The following MYBPC3 variants were observed in gnomAD, a reference collection of about 807,000 sequenced individuals.
The protein encoded by MYBPC3 is myosin-binding protein C, cardiac-type.
A neutral mutation model predicts 159.3 loss-of-function variants in MYBPC3; 108 were observed. The ratio of observed to expected loss-of-function variants is 0.68; its 90% CI spans 0.58 to 0.80. MYBPC3 has a LOEUF of 0.80. Among genes scored for constraint, MYBPC3 ranks in the 30% least tolerant of loss-of-function variants. The probability of loss-of-function intolerance (pLI) is 0.00; values close to 1 mark genes in which losing one functional copy is unlikely to be tolerated. For missense variants in MYBPC3, 1,631 were observed against 1,762.1 expected (o/e 0.93, Z 1.33); for synonymous variants, 730 against 702.0 (o/e 1.04, Z -0.63).
At position 47,332,982 on chromosome 11, in the gene MYBPC3, AGGGAGGGAG is replaced by A. The variant is rs1565622969; in HGVS notation, c.3331-18_3331-10del. 6.6e-7 allele frequency: 1 copy of A among 1,505,306 alleles called. No individual in the cohort carries two copies. Among genetic ancestry groups the A allele is most frequent in the Non-Finnish European group, 9.2e-7 (1 of 1,085,200 alleles). 93.2% of individuals were successfully genotyped at this position (1,505,306 alleles called of 1,614,324 possible). A position where few individuals can be genotyped will look rare whatever the true frequency, so the allele number is the denominator to read the frequency against. ...AAGACGGTGAACCACTCCTGGGGGC[AGGGAGGGAG>A]GGGAGGCATCTCTGGGCCAGGCCCT... On this transcript the variant is annotated splice_polypyrimidine_tract_variant and intron_variant, in intron 30 of 34. Coordinates refer to ENST00000545968, the MANE Select transcript of MYBPC3 (RefSeq NM_000256.3). This position sits in a 1 kb window ranked among gnomAD's most constrained non-coding sequence, Gnocchi z 4.2.
At position 47,346,521 on chromosome 11, in the gene MYBPC3, C is replaced by A; in HGVS notation, c.926+106G>T. Reference sequence around the variant, plus strand: ...AGCTGGAGCTGCTCTGGGTCCCAGGCCAGGCAGGACTGGGGGCCAAGGGAG... The same window carrying A: ...AGCTGGAGCTGCTCTGGGTCCCAGGACAGGCAGGACTGGGGGCCAAGGGAG... On this transcript the variant is annotated intron_variant, in intron 11 of 34. Transcript: ENST00000545968. The surrounding 1 kb of genome is among the most constrained non-coding windows in gnomAD (Gnocchi z 5.3). The A allele has an allele frequency of 6.8e-7, 1 of 1,473,522 alleles. No homozygotes were observed. Among genetic ancestry groups the A allele is most frequent in the South Asian group, 1.4e-5 (1 of 73,254 alleles). The allele number at this position is 1,473,522 out of a possible 1,614,324, so 91.3% of individuals were successfully genotyped here.
At chr11:47,333,777 T>C in intron 28 of MYBPC3, 25 bp from the exon 29 acceptor site, 1 of 1,576,432 alleles carries the variant, frequency 6.3e-7, no homozygotes, top group East Asian at 2.2e-5. Context: ...AGCTTAACCC[T>C]GAACCTGGAT....
chr11:47,348,012 G>T, intron 6 of MYBPC3, 107 bp from the exon 7 acceptor site: 1 of 1,094,804 alleles, frequency 9.1e-7, no homozygotes, highest in Non-Finnish European at 1.4e-6. Flanking sequence ...GCCCATTCAT[G>T]ACCCCATGAG....
At position 47,346,463 on chromosome 11, in the gene MYBPC3, CCT is replaced by C. The variant is rs1466159609; in HGVS notation, c.927-95_927-94del. On this transcript the variant is annotated intron_variant, in intron 11 of 34. Transcript: ENST00000545968. The surrounding 1 kb of genome is among the most constrained non-coding windows in gnomAD (Gnocchi z 5.3). ...CCAGGACCAAGGAGCTGTAGCCACC[CCT>C]GTCCCTCTGCCCCTTCCCTTCTGGT... is the stretch of plus-strand genomic sequence containing the variant. 3 of 1,465,780 alleles carry C rather than the reference CCT, an allele frequency of 2.0e-6. No individual in the cohort carries two copies. The highest frequency in any genetic ancestry group is 2.2e-4 in the Middle Eastern group (1 of 4,544). The allele number at this position is 1,465,780 out of a possible 1,614,324, so 90.8% of individuals were successfully genotyped here. A position where few individuals can be genotyped will look rare whatever the true frequency, so the allele number is the denominator to read the frequency against.
At chr11:47,344,356 T>C (rs960482840) in intron 12 of MYBPC3, among the ~76,000 whole-genome samples, 4 of 152,078 alleles carry the variant, frequency 2.6e-5, no homozygotes, top group Non-Finnish European at 5.9e-5. Flanking sequence ...CCAGGGCCAG[T>C]GCGGTGGTCC....
intron 27 of MYBPC3, 98 bp downstream of exon 27, chr11:47,334,944 G>T: frequency 7.6e-7 from 1 of 1,322,944 alleles, no homozygotes; most frequent in South Asian, 2.1e-5. Flanking sequence ...GTTCTGGGCA[G>T]AGCATTCTGG....
chr11:47,331,791 C>G, intron 34 of MYBPC3, 54 bp downstream of exon 34: 1 of 1,544,244 alleles, frequency 6.5e-7, no homozygotes, highest in African/African-American at 1.4e-5. Flanking sequence ...GCCCCAGGAC[C>G]AAGGGCCAGG....
Position 47,339,674 on chromosome 11 carries a change from T to C in MYBPC3, c.2044A>G (p.Ile682Val). Residue 682 changes from isoleucine (I) to valine (V), a missense_variant, in exon 21 of 35, where the codon ATC becomes GTC. Ile to Val is a conservative substitution (Grantham distance 29). Coordinates refer to ENST00000545968, the MANE Select transcript of MYBPC3 (RefSeq NM_000256.3). ...ACCTGCGTGATAGCCTTCTGCCAGA[T>C]CACAGTGGGAGCAGGGTCCCCAGAG... is the stretch of plus-strand genomic sequence containing the variant. ...PISGDPAPTV[I>V]WQKAITQGNK... 1 of 1,609,482 alleles carries C rather than the reference T, an allele frequency of 6.2e-7. No individual in the cohort carries two copies. The highest frequency in any genetic ancestry group is 2.2e-5 in the East Asian group (1 of 44,746).
In MYBPC3 at chr11:47,342,195, T is replaced by C. The variant is rs568938221; in HGVS notation, c.1625-39A>G. 1.0e-3 allele frequency: 1,620 copies of C among 1,604,046 alleles called. 25 individuals carry two copies. In the South Asian group the frequency reaches 0.017, roughly 17 times the overall value. Reference sequence around the variant, plus strand: ...CAGAGCCATTGAGCTCGGGAGGGTGTGTGGGTGTGGCGTGAATCCCTGTGG... The same window carrying C: ...CAGAGCCATTGAGCTCGGGAGGGTGCGTGGGTGTGGCGTGAATCCCTGTGG... On this transcript the variant is annotated intron_variant, in intron 17 of 34. Transcript: ENST00000545968.
chr11:47,339,962 A>G (rs1261619709), intron 20 of MYBPC3, among the ~76,000 whole-genome samples, 172 bp from the exon 21 acceptor site: 2 of 152,172 alleles, frequency 1.3e-5, no homozygotes, highest in Non-Finnish European at 2.9e-5. Context: ...AGATGAATAC[A>G]CCCATGCAAT....
intron 27 of MYBPC3, among the ~76,000 whole-genome samples, chr11:47,334,584 G>A (rs1052928019): frequency 3.3e-5 from 5 of 149,942 alleles, no homozygotes; most frequent in South Asian, 2.1e-4. Flanking sequence ...TTTTTGAGAC[G>A]TTGTCTCACT....
In MYBPC3 at chr11:47,342,690, C is replaced by T; in HGVS notation, c.1512G>A (p.Lys504=). 2 of 1,614,050 alleles carry T rather than the reference C, an allele frequency of 1.2e-6. No homozygotes were observed. Among genetic ancestry groups the T allele is most frequent in the Non-Finnish European group, 1.7e-6 (2 of 1,179,906 alleles). The stretch of plus-strand genomic sequence containing the variant: ...TCAGGTGGTGTCTCTGCCCGTCCTT[C>T]TTGAACCGGTATTTGAAGGTCTCCT... ...TREETFKYRF[K]KDGQRHHLII... is the part of the protein sequence containing the mutation. Residue 504 remains lysine, a synonymous_variant, in exon 17 of 35, where the codon AAG becomes AAA. Transcript: ENST00000545968.
chr11:47,339,208 C>T (rs768747146), intron 22 of MYBPC3, 116 bp downstream of exon 22: 5 of 1,135,358 alleles, frequency 4.4e-6, no homozygotes, highest in Admixed American at 1.7e-5. Context: ...CTGGGGGCAG[C>T]AACACACCCG....
intron 3 of MYBPC3, 119 bp from the exon 4 acceptor site, chr11:47,350,231 C>T: frequency 7.9e-7 from 1 of 1,259,236 alleles, no homozygotes. Context: ...TCACACCATT[C>T]TCCTGCCTCA....
chr11:47,339,755 TGCGGCC>T lies in MYBPC3; in HGVS notation c.1957_1962del (p.Gly653_Arg654del). On this transcript the variant is annotated inframe_deletion, in exon 21 of 35. Coordinates refer to ENST00000545968, the MANE Select transcript of MYBPC3 (RefSeq NM_000256.3). ...GCTACAACCACAATGGTGTCTGGTA[TGCGGCC>T]TGGGCAGTCCAGGTGGATCTTGGGA... 6.2e-7 allele frequency: 1 copy of T among 1,613,942 alleles called. No individual in the cohort carries two copies. Among genetic ancestry groups the T allele is most frequent in the Non-Finnish European group, 8.5e-7 (1 of 1,179,830 alleles).
At chr11:47,339,201 G>A in intron 22 of MYBPC3, 123 bp downstream of exon 22, 1 of 1,032,854 alleles carries the variant, frequency 9.7e-7, no homozygotes, top group Non-Finnish European at 1.5e-6. Flanking sequence ...GACCCTGCTG[G>A]GGGCAGCAAC....
intron 3 of MYBPC3, 50 bp downstream of exon 3, chr11:47,350,452 G>A: frequency 6.5e-7 from 1 of 1,540,458 alleles, no homozygotes; most frequent in Admixed American, 2.1e-5. Flanking sequence ...GACCTGCCCT[G>A]GACACGCCCT....
chr11:47,333,609 C>G lies in MYBPC3; in HGVS notation c.3138G>C (p.Thr1046=). The part of the protein sequence containing the change: ...RRVHSGTYQV[T]VRIENMEDKA... ...TGTCCTCCATGTTCTCAATGCGCACCGTCACCTGGTAAGTGCCTGAATGCA... is the reference window on the plus strand; with the variant it reads ...TGTCCTCCATGTTCTCAATGCGCACGGTCACCTGGTAAGTGCCTGAATGCA... Residue 1046 remains threonine (T), a synonymous_variant, in exon 29 of 35, where the codon ACG becomes ACC. Transcript: ENST00000545968. The G allele has an allele frequency of 6.2e-7, 1 of 1,604,102 alleles. No homozygotes were observed. The highest frequency in any genetic ancestry group is 8.5e-7 in the Non-Finnish European group (1 of 1,179,816).
At position 47,335,206 on chromosome 11, in the gene MYBPC3, G is replaced by A. The variant is rs2095881115; in HGVS notation, c.2741C>T (p.Ser914Leu). The A allele has an allele frequency of 1.3e-6, 2 of 1,585,306 alleles. No individual in the cohort carries two copies. The highest frequency in any genetic ancestry group is 8.6e-7 in the Non-Finnish European group (1 of 1,163,566). Reference protein sequence around the residue: ...YSVEYCPEGCSEWVAALQGLT... With the variant: ...YSVEYCPEGCLEWVAALQGLT... ...CCCCTGCAGGGCAGCCACCCACTCT[G>A]AGCCTGGGGGTGGGGAGGGGGAGGC... Residue 914 changes from serine (S) to leucine (L), a missense_variant, in exon 27 of 35, where the codon TCA (serine) becomes TTA (leucine). Transcript: ENST00000545968.
Sources: allele counts gnomAD v4.1 joint callset (sites outside exome capture counted in the v4.1 genomes callset), GRCh38; gene constraint gnomAD v4.1.1; non-coding constraint Gnocchi (gnomAD v3.1); transcripts MANE v1.5; gene names NCBI Gene and HGNC (gene_info 2026-07-23, HGNC 2026-07-21).